The following ATF6 variants were observed in gnomAD, a reference collection of about 807,000 sequenced individuals.
ATF6 encodes activating transcription factor 6.
A neutral mutation model predicts 83.6 loss-of-function variants in ATF6; 53 were observed. That is an observed-to-expected ratio of 0.63 (90% confidence interval 0.51 to 0.80). The LOEUF is 0.80. Among genes scored for constraint, ATF6 ranks in the 30% least tolerant of loss-of-function variants. The pLI is 0.00. For synonymous variants in ATF6, 288 were observed against 285.8 expected, an observed-to-expected ratio of 1.01 and a Z score of -0.08; for missense variants, 744 against 797.9, an observed-to-expected ratio of 0.93 and a Z score of 0.81.
chr1:161,794,302 G>A (rs1178593278), intron 6 of ATF6, among the ~76,000 whole-genome samples: 1 of 152,130 alleles, frequency 6.6e-6, no homozygotes, highest in Admixed American at 6.5e-5. Context: ...TGGGGAGGAA[G>A]AAGGGAAGTA....
At chr1:161,824,369 GT>G (rs1557980252) in intron 9 of ATF6, among the ~76,000 whole-genome samples, 1 of 126,414 alleles carries the variant, frequency 7.9e-6, no homozygotes, top group Non-Finnish European at 1.7e-5. Context: ...AAAACATCAA[GT>G]TTTTTTGGTC....
intron 6 of ATF6, among the ~76,000 whole-genome samples, chr1:161,797,828 T>C (rs1208190524): frequency 6.6e-6 from 1 of 152,130 alleles, no homozygotes; most frequent in Non-Finnish European, 1.5e-5. Context: ...ATTCTAAAGT[T>C]CACATGGAAC....
At chr1:161,880,851 T>G (rs1163041152) in intron 14 of ATF6, among the ~76,000 whole-genome samples, 1 of 152,140 alleles carries the variant, frequency 6.6e-6, no homozygotes, top group Non-Finnish European at 1.5e-5. Context: ...TTGTACCATT[T>G]TACATTCCCA....
chr1:161,803,290 T>C (rs1396267683), intron 7 of ATF6, among the ~76,000 whole-genome samples: 1 of 152,154 alleles, frequency 6.6e-6, no homozygotes, highest in African/African-American at 2.4e-5. Context: ...ATTGTAAAAA[T>C]TCATAACAAA....
chr1:161,857,728 A>G (rs1016239267), intron 12 of ATF6, among the ~76,000 whole-genome samples: 4 of 152,074 alleles, frequency 2.6e-5, no homozygotes, highest in Non-Finnish European at 4.4e-5. Flanking sequence ...TTAAAAGACT[A>G]TTGTCTTTTT....
chr1:161,846,734 T>C (rs1408416612), intron 10 of ATF6, among the ~76,000 whole-genome samples, 154 bp downstream of exon 10: 2 of 152,220 alleles, frequency 1.3e-5, no homozygotes, highest in African/African-American at 4.8e-5. Flanking sequence ...ATTTTACTTT[T>C]AATATTGTAA....
chr1:161,844,215 TCTGAGAAGCATGTTTATAGGA>T (rs966244636), intron 9 of ATF6, among the ~76,000 whole-genome samples: 1 of 152,156 alleles, frequency 6.6e-6, no homozygotes, highest in African/African-American at 2.4e-5. Flanking sequence ...GGACATTACC[TCTGAGAAGCATGTTTATAGGA>T]CAGTGATCAA....
chr1:161,945,649 G>A (rs1339506580), intron 15 of ATF6, among the ~76,000 whole-genome samples: 1 of 152,124 alleles, frequency 6.6e-6, no homozygotes, highest in Non-Finnish European at 1.5e-5. Context: ...TTGTTAATTT[G>A]TGTTAGATAT....
chr1:161,945,456 A>G (rs551646526), intron 15 of ATF6, among the ~76,000 whole-genome samples: 5 of 152,296 alleles, frequency 3.3e-5, no homozygotes, highest in South Asian at 2.1e-4. Context: ...TTAATTTACC[A>G]TAATCATCAC....
At chr1:161,846,621 A>G in intron 10 of ATF6, 41 bp downstream of exon 10, 3 of 1,544,366 alleles carry the variant, frequency 1.9e-6, no homozygotes, top group South Asian at 2.5e-5. Context: ...AAGTGATTTA[A>G]TGAAGCTGAA....
chr1:161,955,228 G>A (rs1028276506), intron 15 of ATF6, among the ~76,000 whole-genome samples: 1 of 152,164 alleles, frequency 6.6e-6, no homozygotes. Context: ...TCCTTCAGGA[G>A]ACCTTCCTTT....
intron 15 of ATF6, among the ~76,000 whole-genome samples, chr1:161,953,974 TAAG>T (rs943885872): frequency 2.0e-5 from 3 of 152,172 alleles, no homozygotes; most frequent in Non-Finnish European, 2.9e-5. Context: ...GGAAGGTTTA[TAAG>T]AAGAAGTGGG....
intron 14 of ATF6, among the ~76,000 whole-genome samples, chr1:161,881,809 T>C (rs527619235): frequency 4.6e-5 from 7 of 152,226 alleles, no homozygotes; most frequent in Middle Eastern, 3.4e-3. Flanking sequence ...AGCTTTTTAT[T>C]TTATGGACTG....
chr1:161,852,696 C>G (rs1686659888), intron 11 of ATF6, among the ~76,000 whole-genome samples: 2 of 151,998 alleles, frequency 1.3e-5, no homozygotes, highest in Admixed American at 1.3e-4. Flanking sequence ...CACCGCTTCC[C>G]CAAACTCCCA....
At chr1:161,920,214 T>A (rs570700346) in intron 15 of ATF6, among the ~76,000 whole-genome samples, 25 of 151,896 alleles carry the variant, frequency 1.6e-4, no homozygotes, top group African/African-American at 5.8e-4. Context: ...ATCCAGACAG[T>A]TGAATGGAGT....
rs1255258484 is a variant in ATF6, at chr1:161,821,125, T to C, written c.1151T>C (p.Val384Ala). The change falls in exon 9 of 16, where the codon GTA becomes GCA. Residue 384 changes from valine (V) to alanine (A), a missense_variant. Transcript: ENST00000367942. ...PKRRVVCVMI[V>A]LAFIILNYGP... ...CGAAGAGTTGTCTGTGTGATGATAG[T>C]ATTGGCATTTATAATACTGAACTAT... The C allele has an allele frequency of 7.4e-6, 12 of 1,612,902 alleles. No individual in the cohort carries two copies. The highest frequency in any genetic ancestry group is 1.0e-5 in the Non-Finnish European group (12 of 1,179,266).
chr1:161,920,139 T>A lies in ATF6; in HGVS notation c.1804+7759T>A, dbSNP rs547355187. On this transcript the variant is annotated intron_variant, in intron 15 of 15. Coordinates refer to ENST00000367942, the MANE Select transcript of ATF6 (RefSeq NM_007348.4). Reference sequence around the variant, plus strand: ...AGGTCTGCAGGTTGTCTATTTTTTTTAAAAAAGTATTATCTACCTTGCATT... The same window carrying A: ...AGGTCTGCAGGTTGTCTATTTTTTTAAAAAAAGTATTATCTACCTTGCATT... Among the ~76,000 whole-genome samples, 619 of 151,986 alleles carry A rather than the reference T, an allele frequency of 4.1e-3. 1 individual carries two copies. Among genetic ancestry groups the A allele is most frequent in the Non-Finnish European group, 5.2e-3 (351 of 67,968 alleles).
intron 9 of ATF6, among the ~76,000 whole-genome samples, chr1:161,843,689 T>C (rs1686410895): frequency 1.3e-5 from 2 of 152,330 alleles, no homozygotes; most frequent in South Asian, 2.1e-4. Flanking sequence ...TTTAACATTC[T>C]TGTGATATCT....
At chr1:161,952,595 C>A (rs1473336222) in intron 15 of ATF6, among the ~76,000 whole-genome samples, 2 of 151,896 alleles carry the variant, frequency 1.3e-5, no homozygotes, top group Non-Finnish European at 2.9e-5. Flanking sequence ...ACTACTGTGT[C>A]CCCCTGTGCC....
Sources: allele counts gnomAD v4.1 joint callset (sites outside exome capture counted in the v4.1 genomes callset), GRCh38; gene constraint gnomAD v4.1.1; transcripts MANE v1.5; gene names NCBI Gene and HGNC (gene_info 2026-07-23, HGNC 2026-07-21).